Variants in SGCZ observed in about 807,000 individuals in gnomAD.
SGCZ encodes the protein sarcoglycan zeta, also known as zeta-sarcoglycan.
In SGCZ, 40 loss-of-function variants were observed where a neutral mutation model predicts 41.3. That is an observed-to-expected ratio of 0.97 (90% CI 0.75 to 1.26). The LOEUF (loss-of-function observed/expected upper bound fraction) is 1.26, where lower values mean the gene tolerates loss of function less well. Among genes scored for constraint, SGCZ ranks in the 50% most tolerant of loss-of-function variants. The pLI is 0.00. For synonymous variants in SGCZ, 206 were observed against 137.5 expected, an observed-to-expected ratio of 1.50 and a Z score of -3.49; for missense variants, 552 against 369.8, an observed-to-expected ratio of 1.49 and a Z score of -4.04.
chr8:14,369,784 G>A (rs1001045825), intron 2 of SGCZ, among the ~76,000 whole-genome samples: 1 of 151,190 alleles, frequency 6.6e-6, no homozygotes, highest in African/African-American at 2.4e-5. Flanking sequence ...CTCTCTTACT[G>A]CTTAAATTGC....
chr8:14,828,105 T>C (rs941029157), intron 1 of SGCZ, among the ~76,000 whole-genome samples: 2 of 152,120 alleles, frequency 1.3e-5, no homozygotes, highest in East Asian at 3.9e-4. Context: ...TCTGCTGAAA[T>C]TGCAGCAAGA....
intron 1 of SGCZ, among the ~76,000 whole-genome samples, chr8:14,703,793 C>G (rs1809244539): frequency 6.6e-6 from 1 of 151,858 alleles, no homozygotes. Context: ...GCAATTTGGG[C>G]TTTTAGTTAT....
At chr8:14,104,669 T>C (rs555650909) in intron 6 of SGCZ, among the ~76,000 whole-genome samples, 309 of 152,242 alleles carry the variant, frequency 2.0e-3, no homozygotes, top group African/African-American at 6.8e-3. Context: ...TACCCCTTTA[T>C]TGAGGAAATG....
chr8:14,955,008 G>A (rs1000662124), intron 1 of SGCZ, among the ~76,000 whole-genome samples: 7 of 152,032 alleles, frequency 4.6e-5, no homozygotes, highest in African/African-American at 1.4e-4. Context: ...TTTCCTTTAT[G>A]TATAGCTTTA....
At chr8:14,247,166 A>G (rs1799127286) in intron 3 of SGCZ, among the ~76,000 whole-genome samples, 1 of 152,052 alleles carries the variant, frequency 6.6e-6, no homozygotes, top group South Asian at 2.1e-4. Flanking sequence ...ACTTTTATTG[A>G]GAATTTCCCC....
chr8:15,047,583 A>G (rs1236144132), intron 1 of SGCZ, among the ~76,000 whole-genome samples: 1 of 152,028 alleles, frequency 6.6e-6, no homozygotes, highest in East Asian at 1.9e-4. Flanking sequence ...ATTTCCCTCA[A>G]CTAGAGAGAG....
intron 1 of SGCZ, among the ~76,000 whole-genome samples, chr8:14,946,606 C>G (rs1800455800): frequency 1.3e-5 from 2 of 151,546 alleles, no homozygotes; most frequent in Admixed American, 1.3e-4. Context: ...CCGGTGTTCA[C>G]TATGTTATTC....
chr8:14,294,311 T>A (rs564067670), intron 3 of SGCZ, among the ~76,000 whole-genome samples: 2 of 151,932 alleles, frequency 1.3e-5, no homozygotes, highest in African/African-American at 4.8e-5. Flanking sequence ...CGACACAACA[T>A]TACTAAAACT....
intron 5 of SGCZ, among the ~76,000 whole-genome samples, chr8:14,123,869 C>A (rs1348941704): frequency 6.6e-6 from 1 of 151,990 alleles, no homozygotes; most frequent in Non-Finnish European, 1.5e-5. Flanking sequence ...ACAGGATTAT[C>A]CTGCATTATC....
chr8:15,046,593 T>C (rs1804309877), intron 1 of SGCZ, among the ~76,000 whole-genome samples: 1 of 151,998 alleles, frequency 6.6e-6, no homozygotes, highest in East Asian at 1.9e-4. Context: ...ACTTATCTTG[T>C]TTCCCTGATG....
At chr8:14,511,423 G>A (rs796860734) in intron 2 of SGCZ, among the ~76,000 whole-genome samples, 5 of 151,998 alleles carry the variant, frequency 3.3e-5, no homozygotes, top group African/African-American at 1.2e-4. Flanking sequence ...CTGCCTAAGA[G>A]CCAGAGAAAA....
In SGCZ at chr8:14,744,692, T is replaced by C. The variant is rs542154499; in HGVS notation, c.40-189766A>G. ...AAGCTTAATAGTAACACTTGCAGAATGACTGAAAAAAGGGAATCTGATTTC... is the reference window on the plus strand; with the variant it reads ...AAGCTTAATAGTAACACTTGCAGAACGACTGAAAAAAGGGAATCTGATTTC... On this transcript the variant is annotated intron_variant, in intron 1 of 7. Transcript: ENST00000382080. 2.2e-4 allele frequency among the ~76,000 whole-genome samples: 34 copies of C among 152,192 alleles called. 1 individual carries two copies. The South Asian group carries it at 7.0e-3, about 32-fold the overall frequency.
At chr8:14,560,698 C>T (rs1804182250) in intron 1 of SGCZ, among the ~76,000 whole-genome samples, 1 of 152,006 alleles carries the variant, frequency 6.6e-6, no homozygotes, top group Non-Finnish European at 1.5e-5. Context: ...CTTACTAAAT[C>T]TATGAAATAA....
At chr8:14,291,813 A>G (rs13271921) in intron 3 of SGCZ, among the ~76,000 whole-genome samples, 114,359 of 151,656 alleles carry the variant, frequency 0.75, 43,586 homozygotes, top group Non-Finnish European at 0.8. Context: ...ATTATTTATC[A>G]AAGTTGTTTT....
At chr8:14,210,402 C>T (rs977571642) in intron 4 of SGCZ, among the ~76,000 whole-genome samples, 1 of 151,808 alleles carries the variant, frequency 6.6e-6, no homozygotes, top group African/African-American at 2.4e-5. Context: ...TTTTCCCAAA[C>T]CCTTGGAATT....
intron 1 of SGCZ, among the ~76,000 whole-genome samples, chr8:14,730,698 G>C (rs969795731): frequency 6.6e-6 from 1 of 151,564 alleles, no homozygotes; most frequent in East Asian, 1.9e-4. Flanking sequence ...CGGGGACTGG[G>C]GCCAACATGT....
chr8:14,844,873 C>T (rs1002423618), intron 1 of SGCZ, among the ~76,000 whole-genome samples: 13 of 152,102 alleles, frequency 8.5e-5, no homozygotes, highest in Admixed American at 7.9e-4. Context: ...ACAATGCAAG[C>T]CTTACAATGC....
intron 1 of SGCZ, among the ~76,000 whole-genome samples, chr8:14,920,260 C>A (rs1437595204): frequency 2.0e-5 from 3 of 152,082 alleles, no homozygotes; most frequent in Admixed American, 2.0e-4. Context: ...CATCATAACC[C>A]AAACTGAAGT....
At chr8:15,085,412 G>GA (rs776504627) in intron 1 of SGCZ, among the ~76,000 whole-genome samples, 6 of 152,222 alleles carry the variant, frequency 3.9e-5, no homozygotes, top group Non-Finnish European at 5.9e-5. Flanking sequence ...TGCAGTACAC[G>GA]ATGGGTCCAT....
Sources: allele counts gnomAD v4.1 joint callset (sites outside exome capture counted in the v4.1 genomes callset), GRCh38; gene constraint gnomAD v4.1.1; transcripts MANE v1.5; gene names NCBI Gene and HGNC (gene_info 2026-07-23, HGNC 2026-07-21).